Variants in SCEL observed in about 807,000 individuals in gnomAD.
SCEL encodes sciellin.
In SCEL, 113 loss-of-function variants were observed where a neutral mutation model predicts 117.6. The observed-to-expected ratio is 0.96, with a 90% CI of 0.83 to 1.12. The LOEUF is 1.12. Among genes scored for constraint, SCEL ranks in the 50% most tolerant of loss-of-function variants. The pLI, the probability that SCEL is intolerant of heterozygous loss-of-function variation, is 0.00. For missense variants in SCEL, 785 were observed against 810.8 expected, an observed-to-expected ratio of 0.97 and a Z score of 0.39; for synonymous variants, 270 against 256.2, an observed-to-expected ratio of 1.05 and a Z score of -0.51.
chr13:77,586,433 A>G (rs959767774), intron 9 of SCEL, among the ~76,000 whole-genome samples: 1 of 152,024 alleles, frequency 6.6e-6, no homozygotes, highest in African/African-American at 2.4e-5. Context: ...TCACCAGTCC[A>G]TTAATTCTAC....
At chr13:77,576,187 C>T (rs1179296188) in intron 9 of SCEL, among the ~76,000 whole-genome samples, 1 of 152,160 alleles carries the variant, frequency 6.6e-6, no homozygotes, top group East Asian at 1.9e-4. Flanking sequence ...TTCATGGAAA[C>T]AGCTCTCCCT....
chr13:77,573,679 A>C (rs555845791), intron 9 of SCEL, among the ~76,000 whole-genome samples: 1 of 145,400 alleles, frequency 6.9e-6, no homozygotes, highest in Non-Finnish European at 1.5e-5. Flanking sequence ...CTATCTATCT[A>C]TCTGTCTATC....
intron 24 of SCEL, among the ~76,000 whole-genome samples, chr13:77,615,597 A>G (rs920412940): frequency 2.0e-5 from 3 of 152,144 alleles, no homozygotes; most frequent in African/African-American, 4.8e-5. Flanking sequence ...ACATTCTTAA[A>G]GCTAAATAAA....
intron 11 of SCEL, among the ~76,000 whole-genome samples, chr13:77,593,295 T>TGTGTGCGCGCGCGCGC (rs796907419): frequency 5.1e-5 from 7 of 136,782 alleles, no homozygotes; most frequent in South Asian, 2.4e-4. Context: ...TGTGTGTGTG[T>TGTGTGCGCGCGCGCGC]GTCTGTGTGT....
chr13:77,566,168 T>C (rs1246212163), intron 5 of SCEL, among the ~76,000 whole-genome samples: 1 of 152,204 alleles, frequency 6.6e-6, no homozygotes, highest in African/African-American at 2.4e-5. Context: ...TCTGTTAACC[T>C]AATATATGAG....
chr13:77,546,183 G>A (rs2083979645), intron 1 of SCEL, among the ~76,000 whole-genome samples: 1 of 152,172 alleles, frequency 6.6e-6, no homozygotes, highest in Non-Finnish European at 1.5e-5. Context: ...AAATGTTGGG[G>A]CAGCCATTCA....
chr13:77,556,530 G>T, intron 2 of SCEL, 66 bp from the exon 3 acceptor site: 1 of 1,355,376 alleles, frequency 7.4e-7, no homozygotes, highest in South Asian at 1.2e-5. Flanking sequence ...AGGATTTTCA[G>T]GTTAACAAGC....
Position 77,596,221 on chromosome 13 carries a change from T to C in SCEL, c.753-1324T>C, listed in dbSNP as rs183722365. On this transcript the variant is annotated intron_variant, in intron 12 of 32. Coordinates refer to ENST00000349847, the MANE Select transcript of SCEL (RefSeq NM_144777.3). ...GGTGGTGCACACCTTTAGTCCCAGCTACTTGGGAGGCTGAGGCAGGAGAAT... is the reference window on the plus strand; with the variant it reads ...GGTGGTGCACACCTTTAGTCCCAGCCACTTGGGAGGCTGAGGCAGGAGAAT... Among the ~76,000 whole-genome samples the C allele has an allele frequency of 2.5e-3, 375 of 152,068 alleles. 3 individuals are homozygous for C. The highest frequency in any genetic ancestry group is 8.3e-3 in the African/African-American group (344 of 41,466).
chr13:77,616,045 T>TGTGG (rs2089008356), intron 24 of SCEL, among the ~76,000 whole-genome samples: 1 of 150,800 alleles, frequency 6.6e-6, no homozygotes, highest in Non-Finnish European at 1.5e-5. Flanking sequence ...TGTGTGTGTG[T>TGTGG]GGCTGTCTGT....
intron 28 of SCEL, among the ~76,000 whole-genome samples, chr13:77,630,527 T>C (rs1239341854): frequency 6.6e-6 from 1 of 152,216 alleles, no homozygotes. Context: ...GAAAATGTGT[T>C]TTTATTTCTC....
At chr13:77,633,078 G>T (rs1418837634) in intron 28 of SCEL, among the ~76,000 whole-genome samples, 1 of 152,224 alleles carries the variant, frequency 6.6e-6, no homozygotes, top group Non-Finnish European at 1.5e-5. Context: ...TAAAGGTAAG[G>T]CAGAGGTTTC....
intron 15 of SCEL, 34 bp from the exon 16 acceptor site, chr13:77,602,031 C>T (rs1157320783): frequency 6.3e-7 from 1 of 1,576,554 alleles, no homozygotes; most frequent in Non-Finnish European, 8.6e-7. Context: ...GCCTCACTCT[C>T]TCTTTCTCTT....
At chr13:77,554,054 G>A (rs775771120) in intron 1 of SCEL, among the ~76,000 whole-genome samples, 2 of 152,056 alleles carry the variant, frequency 1.3e-5, no homozygotes, top group South Asian at 2.1e-4. Context: ...CCCAGAAGCC[G>A]TTTCTGAGAG....
At chr13:77,623,857 T>C (rs1429841147) in intron 27 of SCEL, among the ~76,000 whole-genome samples, 1 of 152,130 alleles carries the variant, frequency 6.6e-6, no homozygotes, top group Non-Finnish European at 1.5e-5. Flanking sequence ...TGAGAAAATA[T>C]ATGTAATCAC....
chr13:77,544,830 T>C (rs1439261842), intron 1 of SCEL, among the ~76,000 whole-genome samples: 1 of 152,200 alleles, frequency 6.6e-6, no homozygotes, highest in African/African-American at 2.4e-5. Context: ...TTGATTGATT[T>C]CATGATTCAG....
Position 77,596,333 on chromosome 13 carries a change from TA to T in SCEL, c.753-1200del, listed in dbSNP as rs571492644. The stretch of plus-strand genomic sequence containing the variant: ...GGGCAACAAGAGTGAAACTCTGTCT[TA>T]AAAAAAAAAAAGTATAGCAAGCATT... On this transcript the variant is annotated intron_variant, in intron 12 of 32. Transcript: ENST00000349847. 3.0e-3 allele frequency among the ~76,000 whole-genome samples: 347 copies of T among 116,866 alleles called. 3 individuals carry two copies. Among genetic ancestry groups the T allele is most frequent in the South Asian group, 0.014 (44 of 3,162 alleles). The allele number at this position is 116,866 out of a possible 152,430, so 76.7% of individuals were successfully genotyped here. A position where few individuals can be genotyped will look rare whatever the true frequency, so the allele number is the denominator to read the frequency against.
intron 19 of SCEL, among the ~76,000 whole-genome samples, chr13:77,604,702 G>A (rs2087993924): frequency 6.6e-6 from 1 of 152,168 alleles, no homozygotes. Context: ...GTATGCTAGT[G>A]TGAGTACATG....
In SCEL at chr13:77,593,300, G is replaced by GTGTGTGTGCGCGCGTC. The variant is rs1555510798; in HGVS notation, c.693-206_693-205insCGCGCGTCTGTGTGTG. On this transcript the variant is annotated intron_variant, in intron 11 of 32. Coordinates refer to ENST00000349847, the MANE Select transcript of SCEL (RefSeq NM_144777.3). ...TGTGTGTGTGTGTGTGTGTGTGTCT[G>GTGTGTGTGCGCGCGTC]TGTGTGTGTGTGTGTGTGTCAGTGG... Among the ~76,000 whole-genome samples the GTGTGTGTGCGCGCGTC allele has an allele frequency of 2.0e-3, 293 of 145,190 alleles. 2 individuals carry two copies. Among genetic ancestry groups the GTGTGTGTGCGCGCGTC allele is most frequent in the African/African-American group, 5.7e-3 (221 of 39,110 alleles).
chr13:77,603,154 T>A lies in SCEL; in HGVS notation c.1097+19T>A. On this transcript the variant is annotated intron_variant, in intron 18 of 32. Coordinates refer to ENST00000349847, the MANE Select transcript of SCEL (RefSeq NM_144777.3). ...CCACTGGGTAAAAATAATTAATGTC[T>A]TTAATTATGGTTTCTGTTAAGTGTC... 5.0e-6 allele frequency: 7 copies of A among 1,410,752 alleles called. No homozygotes were observed. The highest frequency in any genetic ancestry group is 5.9e-6 in the Non-Finnish European group (6 of 1,022,554). 87.4% of individuals were successfully genotyped at this position (1,410,752 alleles called of 1,614,324 possible).
Sources: gnomAD v4.1 joint callset for allele counts (sites outside exome capture counted in the v4.1 genomes callset) on GRCh38, gnomAD v4.1.1 for gene constraint, MANE v1.5 for transcripts, NCBI Gene and HGNC (gene_info 2026-07-23, HGNC 2026-07-21) for gene names.